The following GABRB1 variants were observed in gnomAD, a reference collection of about 807,000 sequenced individuals.
GABRB1 encodes gamma-aminobutyric acid receptor subunit beta-1.
Under a neutral mutation model 51.6 loss-of-function variants are expected in GABRB1, and 17 were observed. The ratio of observed to expected loss-of-function variants is 0.33; its 90% CI spans 0.23 to 0.49. The LOEUF is 0.49. Among genes scored for constraint, GABRB1 ranks in the 20% least tolerant of loss-of-function variants. The pLI is 0.99. For synonymous variants in GABRB1, 247 were observed against 218.9 expected (o/e 1.13, Z -1.14); for missense variants, 410 against 600.6 (o/e 0.68, Z 3.32).
At chr4:47,083,466 T>G (rs1727936880) in intron 3 of GABRB1, among the ~76,000 whole-genome samples, 1 of 152,200 alleles carries the variant, frequency 6.6e-6, no homozygotes, top group Non-Finnish European at 1.5e-5. Context: ...TATGTTCTTA[T>G]AAAGCCCAAG....
At chr4:47,223,367 A>C (rs931319487) in intron 4 of GABRB1, among the ~76,000 whole-genome samples, 2 of 152,084 alleles carry the variant, frequency 1.3e-5, no homozygotes, top group Admixed American at 6.6e-5. Context: ...TCTTTCTCAG[A>C]AATGGAAAAT....
At chr4:47,160,262 A>C (rs1717879371) in intron 3 of GABRB1, among the ~76,000 whole-genome samples, 1 of 152,124 alleles carries the variant, frequency 6.6e-6, no homozygotes. Context: ...TTCAACTCTG[A>C]ATTCAAACCA....
intron 3 of GABRB1, among the ~76,000 whole-genome samples, chr4:47,096,849 A>T (rs1248143842): frequency 2.0e-5 from 3 of 152,160 alleles, no homozygotes; most frequent in African/African-American, 7.2e-5. Flanking sequence ...CAAGAGACAG[A>T]TTCTCCCCTA....
chr4:47,299,357 C>A (rs1468960426), intron 4 of GABRB1, among the ~76,000 whole-genome samples: 9 of 152,200 alleles, frequency 5.9e-5, no homozygotes, highest in East Asian at 3.9e-4. Flanking sequence ...AAGGGCTAAT[C>A]TCCAGAATCT....
chr4:47,306,175 G>A (rs1371269446), intron 4 of GABRB1, among the ~76,000 whole-genome samples: 1 of 150,922 alleles, frequency 6.6e-6, no homozygotes, highest in Admixed American at 6.6e-5. Context: ...GACAAAAGAT[G>A]GAATGTAACA....
intron 4 of GABRB1, among the ~76,000 whole-genome samples, chr4:47,205,791 T>C (rs1372496): frequency 0.85 from 128,719 of 152,046 alleles, 54,467 homozygotes; most frequent in Middle Eastern, 0.92. Context: ...GGGAAGGAAA[T>C]ATCTTTGTGT....
chr4:47,308,429 T>C (rs919855592), intron 4 of GABRB1, among the ~76,000 whole-genome samples: 2 of 152,100 alleles, frequency 1.3e-5, no homozygotes, highest in African/African-American at 4.8e-5. Context: ...CTTAGGGAGC[T>C]GGGAATTTTG....
At chr4:47,271,326 A>G (rs1722865018) in intron 4 of GABRB1, among the ~76,000 whole-genome samples, 1 of 152,216 alleles carries the variant, frequency 6.6e-6, no homozygotes. Flanking sequence ...TGCCTAAAAT[A>G]AAACCTCAAA....
At chr4:47,315,439 A>G (rs919449909) in intron 4 of GABRB1, among the ~76,000 whole-genome samples, 8 of 152,050 alleles carry the variant, frequency 5.3e-5, no homozygotes, top group African/African-American at 1.9e-4. Context: ...GTGGAAATGT[A>G]AATTAGTTCA....
intron 5 of GABRB1, among the ~76,000 whole-genome samples, chr4:47,339,823 GCACACACACACACACA>G (rs150988131): frequency 5.6e-5 from 8 of 141,880 alleles, no homozygotes; most frequent in Non-Finnish European, 1.2e-4. Flanking sequence ...ATAAATAAAT[GCACACACACACACACA>G]CACACACACA....
At chr4:47,013,214 A>G (rs1724632897) in intron 1 of GABRB1, among the ~76,000 whole-genome samples, 1 of 151,932 alleles carries the variant, frequency 6.6e-6, no homozygotes, top group South Asian at 2.1e-4. Flanking sequence ...TGGTTTTTCA[A>G]GGTAACTAAA....
chr4:47,395,396 C>T (rs1055046539), intron 5 of GABRB1, among the ~76,000 whole-genome samples: 1 of 152,222 alleles, frequency 6.6e-6, no homozygotes, highest in Non-Finnish European at 1.5e-5. Context: ...AGATCACATT[C>T]GAACTCATTC....
At chr4:47,065,062 G>T (rs565449594) in intron 3 of GABRB1, among the ~76,000 whole-genome samples, 1 of 152,268 alleles carries the variant, frequency 6.6e-6, no homozygotes, top group Non-Finnish European at 1.5e-5. Context: ...GGAGAGATTT[G>T]GCTGGGTTTT....
chr4:47,361,745 C>T (rs1726813628), intron 5 of GABRB1, among the ~76,000 whole-genome samples: 1 of 152,106 alleles, frequency 6.6e-6, no homozygotes, highest in African/African-American at 2.4e-5. Flanking sequence ...AGGAGGAAGA[C>T]ATCAAAGATT....
intron 4 of GABRB1, among the ~76,000 whole-genome samples, chr4:47,288,192 C>T (rs1041990894): frequency 2.0e-5 from 3 of 152,022 alleles, no homozygotes; most frequent in Non-Finnish European, 4.4e-5. Context: ...AGTATGTCTG[C>T]ACCACCCACA....
At chr4:47,052,746 C>T (rs1726408180) in intron 3 of GABRB1, among the ~76,000 whole-genome samples, 1 of 152,104 alleles carries the variant, frequency 6.6e-6, no homozygotes, top group Non-Finnish European at 1.5e-5. Context: ...ATTTTCCTCC[C>T]CGACTGTAGC....
At chr4:47,316,842 C>A (rs1724912048) in intron 4 of GABRB1, among the ~76,000 whole-genome samples, 1 of 151,828 alleles carries the variant, frequency 6.6e-6, no homozygotes, top group Non-Finnish European at 1.5e-5. Flanking sequence ...TAAGGATTTT[C>A]TCAATGCTGT....
At chr4:47,139,887 T>C (rs1716848452) in intron 3 of GABRB1, among the ~76,000 whole-genome samples, 1 of 151,956 alleles carries the variant, frequency 6.6e-6, no homozygotes, top group South Asian at 2.1e-4. Flanking sequence ...TTAATAGAAA[T>C]GTTCTACAGC....
At chr4:47,121,467 C>G (rs965511586) in intron 3 of GABRB1, among the ~76,000 whole-genome samples, 2 of 152,062 alleles carry the variant, frequency 1.3e-5, no homozygotes, top group Non-Finnish European at 2.9e-5. Context: ...TTAGAAGGTG[C>G]TTTTTTGTGT....
Sources: gnomAD v4.1 joint callset for allele counts (sites outside exome capture counted in the v4.1 genomes callset) on GRCh38, gnomAD v4.1.1 for gene constraint, MANE v1.5 for transcripts, NCBI Gene and HGNC (gene_info 2026-07-23, HGNC 2026-07-21) for gene names.